LRIG1: variants seen among roughly 807,000 people sequenced by gnomAD.
LRIG1 encodes the protein leucine-rich repeats and immunoglobulin-like domains protein 1.
LRIG1 carries 48 observed loss-of-function variants against 99.2 expected under a neutral mutation model. The observed-to-expected ratio is 0.48, with a 90% confidence interval of 0.38 to 0.62. LRIG1 has a LOEUF of 0.62. Ranked by LOEUF, LRIG1 falls within the 20% of genes least tolerant of loss-of-function variation. The pLI is 0.00. For missense variants in LRIG1, 1,646 were observed against 1,434.4 expected, an observed-to-expected ratio of 1.15 and a Z score of -2.38; for synonymous variants, 772 against 596.1, an observed-to-expected ratio of 1.29 and a Z score of -4.30.
At chr3:66,445,171 T>A (rs1703673502) in intron 3 of LRIG1, among the ~76,000 whole-genome samples, 3 of 152,126 alleles carry the variant, frequency 2.0e-5, no homozygotes, top group East Asian at 3.9e-4. Flanking sequence ...TCCACACTCT[T>A]AATGAGAATT....
chr3:66,411,623 C>T lies in LRIG1; in HGVS notation c.791+1248G>A, dbSNP rs142711938. Among the ~76,000 whole-genome samples, 1,247 of 152,260 alleles carry T rather than the reference C, an allele frequency of 8.2e-3. 30 individuals carry two copies. The highest frequency in any genetic ancestry group is 0.029 in the African/African-American group (1,200 of 41,544). ...GTAGGGAGGGCTGGTCATGCAGAGA[C>T]GGTTATCAGAGTGACACAGCACAAC... On this transcript the variant is annotated intron_variant, in intron 6 of 18. Coordinates refer to ENST00000273261, the MANE Select transcript of LRIG1 (RefSeq NM_015541.3).
At chr3:66,447,258 TTAAG>T (rs1703760287) in intron 3 of LRIG1, among the ~76,000 whole-genome samples, 1 of 152,150 alleles carries the variant, frequency 6.6e-6, no homozygotes, top group Admixed American at 6.5e-5. Flanking sequence ...AAATGTACAA[TTAAG>T]TTATTATTGG....
Position 66,500,199 on chromosome 3 carries a change from G to A in LRIG1, c.209C>T (p.Thr70Met). 5.9e-6 allele frequency: 9 copies of A among 1,515,844 alleles called. No homozygotes were observed. Among genetic ancestry groups the A allele is most frequent in the Non-Finnish European group, 7.9e-6 (9 of 1,138,484 alleles). The allele number at this position is 1,515,844 out of a possible 1,614,324, so 93.9% of individuals were successfully genotyped here. A position where few individuals can be genotyped will look rare whatever the true frequency, so the allele number is the denominator to read the frequency against. ...AAAGGGCGGCACTCACAGGCTCCGCGTCCAGGAGGGCAGGTCCCCGGGCAA... is the reference window on the plus strand; with the variant it reads ...AAAGGGCGGCACTCACAGGCTCCGCATCCAGGAGGGCAGGTCCCCGGGCAA... ...AALPGDLPSW[T>M]RSLNLSYNKL... Residue 70 changes from threonine (T) to methionine (M), a missense_variant, in exon 1 of 19, where the codon ACG becomes ATG. By Grantham distance (81) the Thr-to-Met change is moderately conservative. Coordinates refer to ENST00000273261, the MANE Select transcript of LRIG1 (RefSeq NM_015541.3).
chr3:66,414,116 G>A (rs771827551), intron 5 of LRIG1, among the ~76,000 whole-genome samples: 12 of 152,082 alleles, frequency 7.9e-5, no homozygotes, highest in South Asian at 2.1e-4. Context: ...ATAATAAATC[G>A]GCCGGGTGCG....
chr3:66,410,055 G>A (rs1472338058), intron 7 of LRIG1, 74 bp downstream of exon 7: 6 of 1,487,290 alleles, frequency 4.0e-6, no homozygotes, highest in South Asian at 2.6e-5. Flanking sequence ...GTGGTGGAAC[G>A]AACCAGGCCT....
Position 66,383,306 on chromosome 3 carries a change from G to C in LRIG1, c.2167C>G (p.Arg723Gly), listed in dbSNP as rs61746315. Residue 723 changes from arginine (R) to glycine (G), a missense_variant, in exon 15 of 19, where the codon CGC (arginine) becomes GGC (glycine). Transcript: ENST00000273261. ...QCKATGNPPP[R>G]ITWFKGDRPL... ...CGGTCCCCCTTGAACCAGGTGATGC[G>C]GGGCGGAGGGTTCCCCGTGGCTTTG... The C allele has an allele frequency of 3.1e-6, 5 of 1,606,550 alleles. No individual in the cohort carries two copies. Among genetic ancestry groups the C allele is most frequent in the Non-Finnish European group, 4.3e-6 (5 of 1,173,786 alleles).
chr3:66,425,342 C>G (rs530355443), intron 3 of LRIG1, among the ~76,000 whole-genome samples: 2 of 152,362 alleles, frequency 1.3e-5, no homozygotes, highest in East Asian at 3.9e-4. Flanking sequence ...TGGCCCAGCT[C>G]TCATACAAGC....
At chr3:66,433,339 C>T (rs1266486016) in intron 3 of LRIG1, among the ~76,000 whole-genome samples, 1 of 152,222 alleles carries the variant, frequency 6.6e-6, no homozygotes, top group African/African-American at 2.4e-5. Context: ...AGACAGCCTG[C>T]GGCTATGAAG....
intron 7 of LRIG1, among the ~76,000 whole-genome samples, chr3:66,408,873 T>A (rs901687972): frequency 2.0e-5 from 3 of 148,062 alleles, no homozygotes; most frequent in African/African-American, 7.5e-5. Context: ...GTGTTTTGCA[T>A]TAGATAATGA....
intron 3 of LRIG1, among the ~76,000 whole-genome samples, chr3:66,434,616 GTA>G (rs1559797661): frequency 1.3e-5 from 2 of 151,864 alleles, no homozygotes; most frequent in African/African-American, 4.8e-5. Context: ...GCCTGGTGGC[GTA>G]AGCCTGCAAT....
chr3:66,414,305 G>A (rs563986326), intron 5 of LRIG1, among the ~76,000 whole-genome samples: 3 of 152,170 alleles, frequency 2.0e-5, no homozygotes, highest in African/African-American at 7.2e-5. Context: ...GCTGAGGCAG[G>A]AGAATGGTGT....
chr3:66,396,674 T>G (rs1011319092), intron 11 of LRIG1, among the ~76,000 whole-genome samples: 4 of 152,166 alleles, frequency 2.6e-5, no homozygotes, highest in African/African-American at 9.7e-5. Flanking sequence ...CCTCCCAACT[T>G]CCCAAGGAAA....
At chr3:66,490,174 CAA>C (rs764916577) in intron 1 of LRIG1, among the ~76,000 whole-genome samples, 1 of 152,130 alleles carries the variant, frequency 6.6e-6, no homozygotes, top group Non-Finnish European at 1.5e-5. Flanking sequence ...CCACCCAAAG[CAA>C]AGAGTCCTAC....
chr3:66,484,996 A>G (rs1393483736), intron 1 of LRIG1, among the ~76,000 whole-genome samples: 3 of 151,916 alleles, frequency 2.0e-5, no homozygotes, highest in Non-Finnish European at 4.4e-5. Context: ...TCTACCCCCA[A>G]AAAATACAAA....
rs1161907742 is a variant in LRIG1, at chr3:66,383,266, G to A, written c.2207C>T (p.Thr736Ile). The A allele has an allele frequency of 6.2e-7, 1 of 1,613,994 alleles. No individual in the cohort carries two copies. The highest frequency in any genetic ancestry group is 8.5e-7 in the Non-Finnish European group (1 of 1,179,926). Reference protein sequence around the residue: ...WFKGDRPLSLTERHHLTPDNQ... With the variant: ...WFKGDRPLSLIERHHLTPDNQ... ...GTCAGGGGTCAAGTGGTGCCGCTCAGTGAGGCTCAGCGGGCGGTCCCCCTT... is the reference window on the plus strand; with the variant it reads ...GTCAGGGGTCAAGTGGTGCCGCTCAATGAGGCTCAGCGGGCGGTCCCCCTT... The change falls in exon 15 of 19, where the codon ACT (threonine) becomes ATT (isoleucine). Residue 736 changes from threonine to isoleucine, a missense_variant. By Grantham distance (89) the Thr-to-Ile change is moderately conservative. Transcript: ENST00000273261.
At chr3:66,449,768 C>T (rs921927385) in intron 3 of LRIG1, among the ~76,000 whole-genome samples, 2 of 152,344 alleles carry the variant, frequency 1.3e-5, no homozygotes, top group South Asian at 4.1e-4. Context: ...TCAGTTTCCT[C>T]TCTGACAACA....
At chr3:66,427,724 G>C (rs1465667823) in intron 3 of LRIG1, among the ~76,000 whole-genome samples, 1 of 152,160 alleles carries the variant, frequency 6.6e-6, no homozygotes, top group African/African-American at 2.4e-5. Flanking sequence ...CATTTTTATT[G>C]AAATATAAAG....
At chr3:66,425,438 T>A (rs1702948286) in intron 3 of LRIG1, among the ~76,000 whole-genome samples, 1 of 152,212 alleles carries the variant, frequency 6.6e-6, no homozygotes, top group Non-Finnish European at 1.5e-5. Flanking sequence ...AGCTCAAGTT[T>A]TTACTTTGAA....
At chr3:66,435,086 T>G (rs1703310823) in intron 3 of LRIG1, among the ~76,000 whole-genome samples, 1 of 152,088 alleles carries the variant, frequency 6.6e-6, no homozygotes, top group African/African-American at 2.4e-5. Flanking sequence ...ACATCCATAT[T>G]ATGGAATACA....
Sources: gnomAD v4.1 joint callset for allele counts (sites outside exome capture counted in the v4.1 genomes callset) on GRCh38, gnomAD v4.1.1 for gene constraint, MANE v1.5 for transcripts, NCBI Gene and HGNC (gene_info 2026-07-23, HGNC 2026-07-21) for gene names.